The following SASH1 variants were observed in gnomAD, a reference collection of about 807,000 sequenced individuals.
SASH1 encodes SAM and SH3 domain containing 1.
SASH1 carries 44 observed loss-of-function variants against 125.2 expected under a neutral mutation model. The observed-to-expected ratio is 0.35, with a 90% CI of 0.28 to 0.45. The LOEUF (loss-of-function observed/expected upper bound fraction) is 0.45. Ranked by LOEUF, SASH1 falls within the 20% of genes least tolerant of loss-of-function variation. The pLI is 1.00. For synonymous variants in SASH1, 639 were observed against 649.1 expected (o/e 0.98, Z 0.24); for missense variants, 1,426 against 1,614.5 (o/e 0.88, Z 2.00).
the SASH1 span, among the ~76,000 whole-genome samples, chr6:148,236,211 A>G: frequency 1.3e-5 from 2 of 151,840 alleles, no homozygotes; most frequent in East Asian, 3.9e-4. Flanking sequence ...ACAGTTTATT[A>G]AATTAAATTT....
chr6:148,198,781 T>C, the SASH1 span, among the ~76,000 whole-genome samples: 1 of 152,240 alleles, frequency 6.6e-6, no homozygotes, highest in South Asian at 2.1e-4. Context: ...TTTTAGCAAA[T>C]ATTTAAAATT....
Position 148,385,519 on chromosome 6 carries a change from GC to G in SASH1, c.157-4614del, listed in dbSNP as rs1488647463. 1.1e-4 allele frequency among the ~76,000 whole-genome samples: 16 copies of G among 152,254 alleles called. 1 individual carries two copies. The highest frequency in any genetic ancestry group is 3.9e-4 in the African/African-American group (16 of 41,550). On this transcript the variant is annotated intron_variant, in intron 1 of 19. Coordinates refer to ENST00000367467, the MANE Select transcript of SASH1 (RefSeq NM_015278.5). Reference sequence around the variant, plus strand: ...TTGTATGTTAATGAGTTGACTGATGGCTGGCCACTCTAGGTAGCTTCAGAAT... The same window carrying G: ...TTGTATGTTAATGAGTTGACTGATGGTGGCCACTCTAGGTAGCTTCAGAAT...
intron 1 of SASH1, among the ~76,000 whole-genome samples, chr6:148,335,063 C>T (rs1289320668): frequency 1.3e-5 from 2 of 151,074 alleles, no homozygotes; most frequent in Non-Finnish European, 2.9e-5. Context: ...TATGGGAGGC[C>T]GAGGCAGGTG....
intron 16 of SASH1, among the ~76,000 whole-genome samples, chr6:148,536,804 T>C (rs1781873670): frequency 6.6e-6 from 1 of 152,232 alleles, no homozygotes; most frequent in South Asian, 2.1e-4. Context: ...CTGAGATTTT[T>C]GTACCAAGGA....
chr6:148,279,172 AG>A (rs1779268722), intron 1 of SASH1, among the ~76,000 whole-genome samples: 1 of 151,998 alleles, frequency 6.6e-6, no homozygotes, highest in South Asian at 2.1e-4. Flanking sequence ...TTTGTATTTT[AG>A]TAGAAACGGG....
intron 4 of SASH1, chr6:148,440,634 C>T (rs975720043): frequency 1.5e-5 from 8 of 548,744 alleles, no homozygotes; most frequent in African/African-American, 1.3e-4. Flanking sequence ...TGATTTTACA[C>T]TTATTGTGAA....
chr6:148,375,692 G>A (rs1487358176), intron 1 of SASH1, among the ~76,000 whole-genome samples: 1 of 152,202 alleles, frequency 6.6e-6, no homozygotes, highest in East Asian at 1.9e-4. Context: ...ATAGTTACCT[G>A]GATAGATGGG....
chr6:148,417,464 AG>A (rs1317250442), intron 2 of SASH1, among the ~76,000 whole-genome samples: 17 of 152,312 alleles, frequency 1.1e-4, no homozygotes, highest in Admixed American at 3.3e-4. Context: ...ATGCACCTGT[AG>A]TCCCAGCTAC....
upstream of SASH1, among the ~76,000 whole-genome samples, chr6:148,341,907 C>T (rs2495936): frequency 0.97 from 148,171 of 152,270 alleles, 72,124 homozygotes; most frequent in East Asian, 1. Flanking sequence ...TCTGAGTAGT[C>T]TTGAAAGATA....
intron 10 of SASH1, among the ~76,000 whole-genome samples, chr6:148,521,994 G>T (rs2115360606): frequency 6.6e-6 from 1 of 152,314 alleles, no homozygotes; most frequent in Non-Finnish European, 1.5e-5. Context: ...CTTGTCTCTA[G>T]AAGTTATATT....
chr6:148,359,974 G>T (rs963535352), intron 1 of SASH1, among the ~76,000 whole-genome samples: 1 of 152,152 alleles, frequency 6.6e-6, no homozygotes, highest in African/African-American at 2.4e-5. Flanking sequence ...TAGCCAGGAT[G>T]GTCTTGATCT....
At chr6:148,387,187 G>A (rs914357054) in intron 1 of SASH1, among the ~76,000 whole-genome samples, 8 of 145,570 alleles carry the variant, frequency 5.5e-5, no homozygotes, top group African/African-American at 7.7e-5. Context: ...GCGCAATCTC[G>A]GCTCACTGCA....
chr6:148,513,918 C>T (rs1023709224), intron 8 of SASH1: 10 of 988,072 alleles, frequency 1.0e-5, no homozygotes, highest in African/African-American at 5.2e-5. Flanking sequence ...TTGATGACCA[C>T]GTTAAACAGC....
chr6:148,372,648 T>G (rs1782743403), intron 1 of SASH1, among the ~76,000 whole-genome samples: 1 of 152,192 alleles, frequency 6.6e-6, no homozygotes, highest in South Asian at 2.1e-4. Flanking sequence ...CCCAAGGGCC[T>G]GAGCTTAGTG....
intron 1 of SASH1, among the ~76,000 whole-genome samples, chr6:148,379,279 T>C (rs1783036748): frequency 6.6e-6 from 1 of 152,184 alleles, no homozygotes; most frequent in Admixed American, 6.5e-5. Flanking sequence ...TCACCCAGGG[T>C]AGCTTTACCT....
chr6:148,243,557 C>T, the SASH1 span, among the ~76,000 whole-genome samples: 6 of 146,296 alleles, frequency 4.1e-5, no homozygotes, highest in African/African-American at 7.5e-5. Flanking sequence ...GCAGGAGAAT[C>T]GCTTAAACCC....
chr6:148,440,665 G>A (rs770624661), intron 4 of SASH1: 124 of 474,218 alleles, frequency 2.6e-4, no homozygotes, highest in Middle Eastern at 5.5e-4. Context: ...ATAAATCTCC[G>A]GAAATAGAAA....
At chr6:148,418,753 C>T (rs1465362961) in intron 2 of SASH1, among the ~76,000 whole-genome samples, 1 of 152,158 alleles carries the variant, frequency 6.6e-6, no homozygotes, top group Non-Finnish European at 1.5e-5. Flanking sequence ...GTGCAGTATT[C>T]CGATGGAAGC....
chr6:148,445,669 T>C (rs1206580422), intron 4 of SASH1, among the ~76,000 whole-genome samples: 1 of 152,150 alleles, frequency 6.6e-6, no homozygotes, highest in Non-Finnish European at 1.5e-5. Context: ...AGCCTCAAAG[T>C]GGCTGCTGCA....
Sources: gnomAD v4.1 joint callset for allele counts (sites outside exome capture counted in the v4.1 genomes callset) on GRCh38, gnomAD v4.1.1 for gene constraint, MANE v1.5 for transcripts, NCBI Gene and HGNC (gene_info 2026-07-23, HGNC 2026-07-21) for gene names.